Variants in IGFN1 observed in about 807,000 individuals in gnomAD.
IGFN1 encodes immunoglobulin-like and fibronectin type III domain-containing protein 1.
Under a neutral mutation model 289.5 loss-of-function variants are expected in IGFN1, and 253 were observed. That is an observed-to-expected ratio of 0.87 (90% confidence interval 0.79 to 0.97). IGFN1 has a LOEUF of 0.97. IGFN1 is among the 50% of genes least tolerant of loss of function. IGFN1 has a pLI of 0.00. For missense variants in IGFN1, 4,470 were observed against 4,686.1 expected (o/e 0.95, Z 1.35); for synonymous variants, 1,706 against 1,788.5 (o/e 0.95, Z 1.16).
intron 1 of IGFN1, 89 bp from the exon 2 acceptor site, chr1:201,193,158 C>T (rs1486770057): frequency 1.2e-5 from 8 of 667,972 alleles, no homozygotes; most frequent in Non-Finnish European, 2.2e-5. Flanking sequence ...AGCTCCCACC[C>T]CAGACATTGG....
intron 15 of IGFN1, chr1:201,216,162 C>T (rs1003984223): frequency 1.6e-5 from 10 of 608,320 alleles, no homozygotes; most frequent in South Asian, 5.6e-5. Context: ...TGCTCTTGGC[C>T]GAGCAGGTGC....
At chr1:201,205,417 T>C (rs1667368874) in intron 11 of IGFN1, 63 bp downstream of exon 11, 1 of 1,438,190 alleles carries the variant, frequency 7.0e-7, no homozygotes, top group African/African-American at 1.4e-5. Context: ...TGCGGAGGCA[T>C]GAGGAAGGCG....
chr1:201,193,117 A>G, intron 1 of IGFN1, 130 bp from the exon 2 acceptor site: 1 of 601,204 alleles, frequency 1.7e-6, no homozygotes, highest in Non-Finnish European at 3.0e-6. Flanking sequence ...TTAGTGGGTT[A>G]GAAAAGCTCT....
At position 201,215,027 on chromosome 1, in the gene IGFN1, T is replaced by G. The variant is rs748017140; in HGVS notation, c.8868T>G (p.Asp2956Glu). The G allele has an allele frequency of 5.6e-6, 9 of 1,613,994 alleles. No individual in the cohort carries two copies. In the South Asian group the frequency reaches 9.9e-5, roughly 18 times the overall value. ...CCTGTCTCCAGCTCACCACCCAGGA[T>G]GGAGTCATCTTTAAGCAAGACGGTC... ...FKDGVKLTTQ[D>E]GVIFKQDGLV... The change falls in exon 14 of 24, where the codon GAT becomes GAG. Residue 2956 changes from aspartate to glutamate, a missense_variant. Physicochemically the swap from Asp to Glu is conservative, Grantham distance 45 (BLOSUM62 2). Around this residue, in one of 8 missense-constraint regions of IGFN1, gnomAD observed 2,218 missense variants for 2,114.1 expected, o/e 1.05. Transcript: ENST00000335211.
In IGFN1 at chr1:201,206,373, G is replaced by C; in HGVS notation, c.1480G>C (p.Val494Leu). The C allele has an allele frequency of 6.4e-7, 1 of 1,550,606 alleles. No individual in the cohort carries two copies. Among genetic ancestry groups the C allele is most frequent in the Non-Finnish European group, 8.7e-7 (1 of 1,147,002 alleles). ...GPGQEGEGFP[V>L]AEGSRATLPR... is the part of the protein sequence containing the mutation. ...TGGACAGGAGGGCGAGGGCTTTCCAGTAGCAGAGGGAAGCAGAGCCACTCT... is the reference window on the plus strand; with the variant it reads ...TGGACAGGAGGGCGAGGGCTTTCCACTAGCAGAGGGAAGCAGAGCCACTCT... The change falls in exon 12 of 24, where the codon GTA (valine) becomes CTA (leucine). Residue 494 changes from valine (V) to leucine (L), a missense_variant. Val to Leu is a conservative substitution (Grantham distance 32). Transcript: ENST00000335211.
intron 21 of IGFN1, 98 bp downstream of exon 21, chr1:201,224,972 C>A: frequency 1.2e-6 from 1 of 854,282 alleles, no homozygotes; most frequent in Non-Finnish European, 1.8e-6. Context: ...AGCCACTCTA[C>A]CAGGGCTGGG....
rs1205623710 is a variant in IGFN1 at position 201,212,414 on chromosome 1, G to A, written c.7521G>A (p.Gly2507=). 3.9e-6 allele frequency: 6 copies of A among 1,537,012 alleles called. No individual in the cohort carries two copies. The East Asian group carries it at 1.5e-4, about 38-fold the overall frequency. ...CTCCAGGGTCTTCTAGAGACAGAGG[G>A]GCTCCCAGGGTGAAGGATAGGTCTC... The part of the protein sequence containing the change: ...SGTPGSSRDR[G]APRVKDRSPD... Residue 2507 remains glycine, a synonymous_variant, in exon 12 of 24, where the codon GGG becomes GGA. Coordinates refer to ENST00000335211, the MANE Select transcript of IGFN1 (RefSeq NM_001164586.2).
chr1:201,203,829 T>C lies in IGFN1; in HGVS notation c.839T>C (p.Leu280Pro). ...GKRYEFQIQD[L>P]RPEDSGIYQV... ...CGCTATGAGTTCCAGATTCAAGACC[T>C]GAGGCCTGAGGACTCTGGCATTTAC... Residue 280 changes from leucine to proline, a missense_variant, in exon 10 of 24, where the codon CTG becomes CCG. By Grantham distance (98) the Leu-to-Pro change is moderately conservative (BLOSUM62 -3). This residue lies in a region of IGFN1 where 2,011 missense variants were observed against 1,953.4 expected (regional missense o/e 1.03). Transcript: ENST00000335211. 6.4e-7 allele frequency: 1 copy of C among 1,551,658 alleles called. No homozygotes were observed. The highest frequency in any genetic ancestry group is 2.0e-5 in the Admixed American group (1 of 51,004).
At chr1:201,218,468 C>T (rs1653475375) in intron 17 of IGFN1, 62 bp from the exon 18 acceptor site, 3 of 1,553,930 alleles carry the variant, frequency 1.9e-6, no homozygotes, top group Admixed American at 1.8e-5. Flanking sequence ...TGGAGGCACC[C>T]AAGCTATCTC....
At chr1:201,197,728 A>G (rs1666980412) in intron 5 of IGFN1, among the ~76,000 whole-genome samples, 1 of 152,158 alleles carries the variant, frequency 6.6e-6, no homozygotes, top group Non-Finnish European at 1.5e-5. Flanking sequence ...ATTCTCTCTC[A>G]GACATGTTTT....
intron 15 of IGFN1, chr1:201,216,071 G>C: frequency 1.4e-6 from 1 of 711,690 alleles, no homozygotes; most frequent in Non-Finnish European, 2.6e-6. Context: ...ATGCTTCTCT[G>C]ACCCCAATAC....
At position 201,217,378 on chromosome 1, in the gene IGFN1, C is replaced by T. The variant is rs553363503; in HGVS notation, c.9687C>T (p.Ser3229=). 52 of 1,614,120 alleles carry T rather than the reference C, an allele frequency of 3.2e-5. 1 individual carries two copies. The highest frequency in any genetic ancestry group is 2.7e-4 in the East Asian group (12 of 44,870). The change falls in exon 17 of 24, where the codon AGC becomes AGT. Residue 3229 remains serine (S), a synonymous_variant. Coordinates refer to ENST00000335211, the MANE Select transcript of IGFN1 (RefSeq NM_001164586.2). ...LTWTAPRGPG[S]AHILGYLIER... ...GGACAGCACCTCGGGGCCCCGGCAG[C>T]GCCCACATCCTGGGCTACCTGATCG...
rs373155292 is a variant in IGFN1, at chr1:201,226,086, G to A, written c.10749G>A (p.Ser3583=). Residue 3583 remains serine (S), a synonymous_variant, in exon 22 of 24, where the codon TCG becomes TCA. Transcript: ENST00000335211. The part of the protein sequence containing the change: ...AKNELGASKP[S]DTSQPWCIPR... The stretch of plus-strand genomic sequence containing the variant: ...ATGAGCTGGGGGCCAGCAAACCCTC[G>A]GACACCAGCCAGCCCTGGTGCATCC... 1.2e-5 allele frequency: 19 copies of A among 1,603,874 alleles called. No homozygotes were observed. Among genetic ancestry groups the A allele is most frequent in the African/African-American group, 2.7e-5 (2 of 74,890 alleles).
Position 201,200,349 on chromosome 1 carries a change from T to G in IGFN1, c.571T>G (p.Tyr191Asp). 1.3e-6 allele frequency: 2 copies of G among 1,551,662 alleles called. No homozygotes were observed. The highest frequency in any genetic ancestry group is 1.7e-6 in the Non-Finnish European group (2 of 1,146,916). ...CTGCTTGAAGTATGGCATCGTCGAC[T>G]ACCGTGGCATGTTGCGCAGGCTGCA... ...KICLKYGIVD[Y>D]RGMLRRLQEM... Residue 191 changes from tyrosine (Y) to aspartate (D), a missense_variant, in exon 8 of 24, where the codon TAC (tyrosine) becomes GAC (aspartate). Physicochemically the swap from Tyr to Asp is radical, Grantham distance 160 (BLOSUM62 -3). Coordinates refer to ENST00000335211, the MANE Select transcript of IGFN1 (RefSeq NM_001164586.2).
chr1:201,211,186 T>G lies in IGFN1; in HGVS notation c.6293T>G (p.Met2098Arg). 1 of 1,527,568 alleles carries G rather than the reference T, an allele frequency of 6.5e-7. No homozygotes were observed. Among genetic ancestry groups the G allele is most frequent in the Non-Finnish European group, 8.7e-7 (1 of 1,143,772 alleles). The allele number at this position is 1,527,568 out of a possible 1,614,324, so 94.6% of individuals were successfully genotyped here. The change falls in exon 12 of 24, where the codon ATG becomes AGG. Residue 2098 changes from methionine to arginine, a missense_variant. Transcript: ENST00000335211. ...FRDGLGGSEE[M>R]ESMDEAGYRK... ...GATGGTTTAGGGGGTTCTGAAGAAA[T>G]GGAGTCAATGGATGAGGCAGGTTAT...
At position 201,224,803 on chromosome 1, in the gene IGFN1, G is replaced by A; in HGVS notation, c.10415G>A (p.Gly3472Asp). Residue 3472 changes from glycine (G) to aspartate (D), a missense_variant, in exon 21 of 24, where the codon GGT (glycine) becomes GAT (aspartate). By Grantham distance (94) the Gly-to-Asp change is moderately conservative. Coordinates refer to ENST00000335211, the MANE Select transcript of IGFN1 (RefSeq NM_001164586.2). ...CCTGTGGCTGGACTCTCAGACAGTG[G>A]TCTCTACACTGTGGTGCTGAGGACC... is the stretch of plus-strand genomic sequence containing the variant. ...LIPVAGLSDS[G>D]LYTVVLRTLQ... 1 of 1,613,962 alleles carries A rather than the reference G, an allele frequency of 6.2e-7. No individual in the cohort carries two copies. The highest frequency in any genetic ancestry group is 1.1e-5 in the South Asian group (1 of 91,076).
rs1667639135 is a variant in IGFN1, at chr1:201,209,831, G to A, written c.4938G>A (p.Lys1646=). 6.8e-7 allele frequency: 1 copy of A among 1,478,644 alleles called. No homozygotes were observed. Among genetic ancestry groups the A allele is most frequent in the Non-Finnish European group, 9.1e-7 (1 of 1,103,520 alleles). 91.6% of individuals were successfully genotyped at this position (1,478,644 alleles called of 1,614,324 possible). A position where few individuals can be genotyped will look rare whatever the true frequency, so the allele number is the denominator to read the frequency against. ...AGYRKDLGAP[K]GIGSGSKAGF... is the part of the protein sequence containing the mutation. ...ATAGGAAGGATTTGGGGGCTCCTAA[G>A]GGAATAGGTTCAGGGAGCAAGGCAG... Residue 1646 remains lysine, a synonymous_variant, in exon 12 of 24, where the codon AAG becomes AAA. Transcript: ENST00000335211.
chr1:201,216,369 G>A, intron 15 of IGFN1, 85 bp from the exon 16 acceptor site: 1 of 1,109,896 alleles, frequency 9.0e-7, no homozygotes, highest in Non-Finnish European at 1.2e-6. Flanking sequence ...GGGAGTCGGG[G>A]TGGCGGGGAG....
chr1:201,199,537 C>A (rs1385914920), intron 6 of IGFN1, 72 bp from the exon 7 acceptor site: 2 of 1,476,238 alleles, frequency 1.4e-6, no homozygotes, highest in Non-Finnish European at 1.8e-6. Context: ...GCATGGACAA[C>A]ACAGAAAAGC....
Sources: gnomAD v4.1 joint callset for allele counts (sites outside exome capture counted in the v4.1 genomes callset) on GRCh38, gnomAD v4.1.1 for gene constraint, gnomAD v4.1.1 regional missense constraint, MANE v1.5 for transcripts, NCBI Gene and HGNC (gene_info 2026-07-23, HGNC 2026-07-21) for gene names.